The following CHD5 variants were observed in gnomAD, a reference collection of about 807,000 sequenced individuals.
The protein encoded by CHD5 is chromodomain helicase DNA binding protein 5.
A neutral mutation model predicts 230.3 loss-of-function variants in CHD5; 69 were observed. That is an observed-to-expected ratio of 0.30 (90% CI 0.25 to 0.37). The LOEUF is 0.37. CHD5 is among the 10% of genes least tolerant of loss of function. The pLI is 1.00. For missense variants in CHD5, 1,827 were observed against 2,622.8 expected (o/e 0.70, Z 6.63); for synonymous variants, 1,064 against 1,065.9 (o/e 1.00, Z 0.03).
chr1:6,149,404 C>T lies in CHD5; in HGVS notation c.1003G>A (p.Gly335Ser), dbSNP rs1372674175. ...TGGTGGTCTGTCTCATAGCCGTCAC[C>T]ATCATCAACTAGGGTAGGGGAGAGG... ...RRRKKKRIDD[G>S]DGYETDHQDY... The change falls in exon 8 of 42, where the codon GGT becomes AGT. Residue 335 changes from glycine (G) to serine (S), a missense_variant. Transcript: ENST00000262450. The T allele has an allele frequency of 9.3e-6, 15 of 1,608,528 alleles. No individual in the cohort carries two copies. The highest frequency in any genetic ancestry group is 1.2e-5 in the Non-Finnish European group (14 of 1,176,550).
Position 6,119,850 on chromosome 1 carries a change from T to TTATA in CHD5, c.4912+1251_4912+1254dup, listed in dbSNP as rs139280601. On this transcript the variant is annotated intron_variant, in intron 33 of 41. Transcript: ENST00000262450. ...ACGTGTATATGTATATATGTGTGTA[T>TTATA]TATATATATATATATTTTTTTTTTT... Among the ~76,000 whole-genome samples the TTATA allele has an allele frequency of 8.7e-3, 1,172 of 134,554 alleles. 6 individuals are homozygous for TTATA. Among genetic ancestry groups the TTATA allele is most frequent in the African/African-American group, 8.8e-3 (310 of 35,166 alleles). 88.3% of individuals were successfully genotyped at this position (134,554 alleles called of 152,430 possible).
At chr1:6,178,204 C>T (rs1015489261) in intron 1 of CHD5, among the ~76,000 whole-genome samples, 54 of 152,194 alleles carry the variant, frequency 3.5e-4, no homozygotes, top group African/African-American at 1.3e-3. Context: ...AGGGGGAGCA[C>T]GGGTGGTGGG....
rs995872586 is a variant in CHD5, at chr1:6,154,234, C to T, written c.745+426G>A. On this transcript the variant is annotated intron_variant, in intron 5 of 41. Coordinates refer to ENST00000262450, the MANE Select transcript of CHD5 (RefSeq NM_015557.3). This position sits in a 1 kb window ranked among gnomAD's most constrained non-coding sequence, Gnocchi z 7.0. ...TGGGTATGCAGACAAGAAGAAGAGA[C>T]GGGCTCGACTGGGGCCTCCTCCTCC... 1.3e-5 allele frequency among the ~76,000 whole-genome samples: 2 copies of T among 152,154 alleles called. No individual in the cohort carries two copies. The highest frequency in any genetic ancestry group is 4.8e-5 in the African/African-American group (2 of 41,440).
intron 7 of CHD5, among the ~76,000 whole-genome samples, chr1:6,150,505 A>AATGG (rs1290983403): frequency 3.3e-4 from 40 of 120,388 alleles, no homozygotes; most frequent in South Asian, 1.5e-3. Context: ...AGGATGGATG[A>AATGG]ATGGATGGAT....
intron 15 of CHD5, among the ~76,000 whole-genome samples, chr1:6,138,074 G>A (rs192584446): frequency 4.6e-5 from 7 of 152,302 alleles, no homozygotes; most frequent in Admixed American, 3.9e-4. Context: ...GAAGGAACAC[G>A]ACTTTAAAAA....
chr1:6,120,413 A>G (rs1235749299), intron 33 of CHD5, among the ~76,000 whole-genome samples: 2 of 151,884 alleles, frequency 1.3e-5, no homozygotes, highest in Non-Finnish European at 2.9e-5. Context: ...TCATGCCTGC[A>G]ATCCCAACAC....
intron 15 of CHD5, among the ~76,000 whole-genome samples, chr1:6,140,622 C>T (rs1666812457): frequency 6.6e-6 from 1 of 152,162 alleles, no homozygotes; most frequent in African/African-American, 2.4e-5. Flanking sequence ...CCAGAAGTCA[C>T]ACAGCTGGTG....
In CHD5 at chr1:6,154,732, G is replaced by A. The variant is rs1230512841; in HGVS notation, c.673C>T (p.Pro225Ser). The A allele has an allele frequency of 6.2e-7, 1 of 1,610,406 alleles. No homozygotes were observed. Among genetic ancestry groups the A allele is most frequent in the South Asian group, 1.1e-5 (1 of 90,814 alleles). The change falls in exon 5 of 42, where the codon CCG becomes TCG. Residue 225 changes from proline (P) to serine (S), a missense_variant. Coordinates refer to ENST00000262450, the MANE Select transcript of CHD5 (RefSeq NM_015557.3). This position sits in a 1 kb window ranked among gnomAD's most constrained non-coding sequence, Gnocchi z 7.0. Reference protein sequence around the residue: ...AAVETVTISPPLAVSPPQVPQ... With the variant: ...AAVETVTISPSLAVSPPQVPQ... ...ACCTGCGGGGGGCTGACGGCTAGCG[G>A]AGGGGAGATGGTGACCGTCTCTACA... is the stretch of plus-strand genomic sequence containing the variant.
rs1437416058 is a variant in CHD5 at position 6,106,458 on chromosome 1, G to C, written c.5794C>G (p.Arg1932Gly). 7.0e-6 allele frequency: 11 copies of C among 1,562,650 alleles called. No homozygotes were observed. In the South Asian group the frequency reaches 1.3e-4, roughly 18 times the overall value. ...MYSNNFGPNFRGPGPGGIVNY... is the reference protein window; with the variant it reads ...MYSNNFGPNFGGPGPGGIVNY... ...ACAATCCCTCCCGGTCCAGGGCCCC[G>C]GAAGTTGGGCCCAAAGTTGTTGCTG... The change falls in exon 40 of 42, where the codon CGG (arginine) becomes GGG (glycine). Residue 1932 changes from arginine (R) to glycine (G), a missense_variant. Physicochemically the swap from Arg to Gly is moderately radical, Grantham distance 125. Around this residue, in one of 14 missense-constraint regions of CHD5, gnomAD observed 208 missense variants for 302.0 expected, o/e 0.69. Transcript: ENST00000262450.
chr1:6,117,951 C>A (rs1352179866), intron 33 of CHD5, among the ~76,000 whole-genome samples: 3 of 152,080 alleles, frequency 2.0e-5, no homozygotes, highest in Non-Finnish European at 4.4e-5. Context: ...CCCAAAAGAA[C>A]TGAAAACCTA....
rs1005942163 is a variant in CHD5, at chr1:6,155,785, T to A, written c.388-68A>T. On this transcript the variant is annotated intron_variant, in intron 3 of 41. Coordinates refer to ENST00000262450, the MANE Select transcript of CHD5 (RefSeq NM_015557.3). The surrounding 1 kb of genome is among the most constrained non-coding windows in gnomAD (Gnocchi z 4.0). ...CTGACCTGCACCCCCATCCCCAGGG[T>A]CTCTGCCTAGGAGGCTTTGGCACAG... is the stretch of plus-strand genomic sequence containing the variant. The A allele has an allele frequency of 1.6e-6, 2 of 1,273,860 alleles. No individual in the cohort carries two copies. The highest frequency in any genetic ancestry group is 4.6e-5 in the East Asian group (2 of 43,178). The allele number at this position is 1,273,860 out of a possible 1,614,324, so 78.9% of individuals were successfully genotyped here.
At chr1:6,120,326 T>A (rs1440421587) in intron 33 of CHD5, among the ~76,000 whole-genome samples, 1 of 151,852 alleles carries the variant, frequency 6.6e-6, no homozygotes, top group Non-Finnish European at 1.5e-5. Context: ...GAGTCAGAAA[T>A]CACTAATAAA....
chr1:6,156,461 G>A (rs903087561), intron 3 of CHD5, among the ~76,000 whole-genome samples: 2 of 151,554 alleles, frequency 1.3e-5, no homozygotes, highest in African/African-American at 4.9e-5. Flanking sequence ...ACTTGAACTC[G>A]GGAGACGGAG....
At chr1:6,112,352 C>T (rs776811778) in intron 34 of CHD5, 75 bp from the exon 35 acceptor site, 34 of 1,567,324 alleles carry the variant, frequency 2.2e-5, no homozygotes, top group Admixed American at 1.3e-4. Flanking sequence ...CTGCCAAGCA[C>T]GGGGGACCCA....
Position 6,121,347 on chromosome 1 carries a change from T to C in CHD5, c.4780-110A>G, listed in dbSNP as rs1345329186. 2 of 1,518,152 alleles carry C rather than the reference T, an allele frequency of 1.3e-6. No homozygotes were observed. The highest frequency in any genetic ancestry group is 1.8e-6 in the Non-Finnish European group (2 of 1,113,292). The allele number at this position is 1,518,152 out of a possible 1,614,324, so 94.0% of individuals were successfully genotyped here. On this transcript the variant is annotated intron_variant, in intron 32 of 41. Transcript: ENST00000262450. This position sits in a 1 kb window ranked among gnomAD's most constrained non-coding sequence, Gnocchi z 4.5. ...CAGTCTCCTGGCTCCCGTCGCTTGCTCCTAGCCTGCTCCCCGCCGATTCAG... is the reference window on the plus strand; with the variant it reads ...CAGTCTCCTGGCTCCCGTCGCTTGCCCCTAGCCTGCTCCCCGCCGATTCAG...
chr1:6,180,024 G>A lies in CHD5; in HGVS notation c.-1C>T, dbSNP rs1667490283. The A allele has an allele frequency of 1.5e-6, 2 of 1,331,826 alleles. No individual in the cohort carries two copies. Among genetic ancestry groups the A allele is most frequent in the Admixed American group, 2.7e-5 (1 of 36,834 alleles). 82.5% of individuals were successfully genotyped at this position (1,331,826 alleles called of 1,614,324 possible). On this transcript the variant is annotated 5_prime_UTR_variant, in exon 1 of 42. Coordinates refer to ENST00000262450, the MANE Select transcript of CHD5 (RefSeq NM_015557.3). ...CCTCGGTGCCCACTGGGCCCCGCAT[G>A]CCCGGCGCGGGGAGGAGGGGAGGTG...
chr1:6,112,424 C>T (rs1666307063), intron 34 of CHD5, 147 bp from the exon 35 acceptor site: 1 of 991,508 alleles, frequency 1.0e-6, no homozygotes, highest in Non-Finnish European at 1.5e-6. Flanking sequence ...GGGTCTTAAA[C>T]AAGCCAACGG....
intron 2 of CHD5, among the ~76,000 whole-genome samples, chr1:6,162,443 G>A (rs373668537): frequency 2.6e-5 from 4 of 152,044 alleles, no homozygotes; most frequent in South Asian, 2.1e-4. Flanking sequence ...TCTGTGACCC[G>A]GGAGAAACCT....
chr1:6,164,898 T>G (rs1667228666), intron 2 of CHD5, among the ~76,000 whole-genome samples: 1 of 150,452 alleles, frequency 6.6e-6, no homozygotes, highest in Non-Finnish European at 1.5e-5. Flanking sequence ...GAAATGAGGG[T>G]ACAGGGGGAA....
Sources: gnomAD v4.1 joint callset for allele counts (sites outside exome capture counted in the v4.1 genomes callset) on GRCh38, gnomAD v4.1.1 for gene constraint, gnomAD v4.1.1 regional missense constraint, Gnocchi (gnomAD v3.1) non-coding constraint, MANE v1.5 for transcripts, NCBI Gene and HGNC (gene_info 2026-07-23, HGNC 2026-07-21) for gene names.